The following LZIC variants were observed in gnomAD, a reference collection of about 807,000 sequenced individuals.
LZIC encodes leucine zipper and CTNNBIP1 domain containing, also known as protein LZIC.
A neutral mutation model predicts 25.4 loss-of-function variants in LZIC; 28 were observed. The ratio of observed to expected loss-of-function variants is 1.10; its 90% CI spans 0.82 to 1.51. The LOEUF is 1.51. LZIC is among the 40% of genes most tolerant of loss of function. LZIC has a pLI of 0.00. For synonymous variants in LZIC, 65 were observed against 70.7 expected (o/e 0.92, Z 0.40); for missense variants, 170 against 211.1 (o/e 0.81, Z 1.21).
At position 9,930,455 on chromosome 1, in the gene LZIC, A is replaced by G; in HGVS notation, c.517T>C (p.Ser173Pro). The G allele has an allele frequency of 6.2e-7, 1 of 1,613,224 alleles. No homozygotes were observed. Among genetic ancestry groups the G allele is most frequent in the Non-Finnish European group, 8.5e-7 (1 of 1,179,750 alleles). Residue 173 changes from serine to proline, a missense_variant and splice_region_variant, in exon 8 of 8, where the codon TCT becomes CCT. Coordinates refer to ENST00000377223, the MANE Select transcript of LZIC (RefSeq NM_032368.5). ...QFEKVSTDLG[S>P]GDKILALASF... is the part of the protein sequence containing the mutation. ...GCCAGAGCAAGAATTTTGTCTCCAG[A>G]GCCTAAGAAAAAAGACACATAATAA...
At position 9,929,179 on chromosome 1, in the gene LZIC, T is replaced by C. The variant is rs771426488; in HGVS notation, c.*1220A>G. On this transcript the variant is annotated 3_prime_UTR_variant, in exon 8 of 8. Coordinates refer to ENST00000377223, the MANE Select transcript of LZIC (RefSeq NM_032368.5). ...CTTTAAAATGGTGAATTTTATGATA[T>C]ATGAATTTCACCTCTTTTAAGTTCC... 8.2e-5 allele frequency: 31 copies of C among 380,062 alleles called. No homozygotes were observed. The highest frequency in any genetic ancestry group is 1.0e-4 in the Non-Finnish European group (29 of 276,862). The allele number at this position is 380,062 out of a possible 1,614,324, so 23.5% of individuals were successfully genotyped here. A position where few individuals can be genotyped will look rare whatever the true frequency, so the allele number is the denominator to read the frequency against.
intron 7 of LZIC, 41 bp downstream of exon 7, chr1:9,931,850 A>G (rs1226038743): frequency 7.7e-7 from 1 of 1,304,472 alleles, no homozygotes; most frequent in Non-Finnish European, 1.1e-6. Flanking sequence ...AATATATGAC[A>G]GTAGTATACG....
Position 9,926,617 on chromosome 1 carries a change from A to C in LZIC, c.*3782T>G, listed in dbSNP as rs1481825766. ...ACAGAACAAAACATTGAAACATCAG[A>C]ATTGTTTAAAACACTAGATTTCATT... is the stretch of plus-strand genomic sequence containing the variant. On this transcript the variant is annotated 3_prime_UTR_variant, in exon 8 of 8. Transcript: ENST00000377223. 6.6e-6 allele frequency among the ~76,000 whole-genome samples: 1 copy of C among 152,230 alleles called. No individual in the cohort carries two copies. The highest frequency in any genetic ancestry group is 1.5e-5 in the Non-Finnish European group (1 of 68,050).
At chr1:9,939,542 CTTTT>C (rs34837155) in intron 2 of LZIC, among the ~76,000 whole-genome samples, 52 of 81,986 alleles carry the variant, frequency 6.3e-4, no homozygotes, top group Admixed American at 2.6e-3. Context: ...CCACATCTGC[CTTTT>C]TTTTTTTTTT....
chr1:9,932,791 A>T lies in LZIC; in HGVS notation c.432+12T>A. On this transcript the variant is annotated intron_variant, in intron 6 of 7. Coordinates refer to ENST00000377223, the MANE Select transcript of LZIC (RefSeq NM_032368.5). ...ACTTTTTCTTTGTAACTAATATATT[A>T]AATACTGGTACCTTCTCTCCAAGTT... is the stretch of plus-strand genomic sequence containing the variant. 1 of 1,480,874 alleles carries T rather than the reference A, an allele frequency of 6.8e-7. No individual in the cohort carries two copies. The highest frequency in any genetic ancestry group is 9.4e-7 in the Non-Finnish European group (1 of 1,060,528). The allele number at this position is 1,480,874 out of a possible 1,614,324, so 91.7% of individuals were successfully genotyped here.
In LZIC at chr1:9,939,868, C is replaced by T. The variant is rs1257574973; in HGVS notation, c.-9+2756G>A. On this transcript the variant is annotated intron_variant, in intron 2 of 7. Transcript: ENST00000377223. The stretch of plus-strand genomic sequence containing the variant: ...GCATGGTGTCTCACACCTGTAATCC[C>T]AGCACTTTAGGAGGCTAAGGCAGGC... Among the ~76,000 whole-genome samples, 6 of 152,072 alleles carry T rather than the reference C, an allele frequency of 3.9e-5. No homozygotes were observed. The East Asian group carries it at 1.2e-3, about 29-fold the overall frequency.
rs368061687 is a variant in LZIC at position 9,931,907 on chromosome 1, T to C, written c.498A>G (p.Lys166=). 6.2e-6 allele frequency: 10 copies of C among 1,613,426 alleles called. No individual in the cohort carries two copies. Among genetic ancestry groups the C allele is most frequent in the African/African-American group, 1.3e-5 (1 of 74,900 alleles). Reference sequence around the variant, plus strand: ...GGCACTCACCAAGGTCTGTAGAGACTTTCTCAAACTGGCTGAGTATAGCAC... The same window carrying C: ...GGCACTCACCAAGGTCTGTAGAGACCTTCTCAAACTGGCTGAGTATAGCAC... The part of the protein sequence containing the change: ...NAGAILSQFE[K]VSTDLGSGDK... The change falls in exon 7 of 8, where the codon AAA becomes AAG. Residue 166 remains lysine, a synonymous_variant. Transcript: ENST00000377223.
At position 9,926,960 on chromosome 1, in the gene LZIC, T is replaced by G. The variant is rs569499244; in HGVS notation, c.*3439A>C. On this transcript the variant is annotated 3_prime_UTR_variant, in exon 8 of 8. Coordinates refer to ENST00000377223, the MANE Select transcript of LZIC (RefSeq NM_032368.5). Reference sequence around the variant, plus strand: ...GAAACAAAATATATCCTATGGTGCTTAGAATGGTTGTTAAATGGTGAGTTA... The same window carrying G: ...GAAACAAAATATATCCTATGGTGCTGAGAATGGTTGTTAAATGGTGAGTTA... Among the ~76,000 whole-genome samples, 6 of 152,318 alleles carry G rather than the reference T, an allele frequency of 3.9e-5. No individual in the cohort carries two copies. The South Asian group carries it at 1.2e-3, about 32-fold the overall frequency.
downstream of LZIC, among the ~76,000 whole-genome samples, chr1:9,925,077 C>A (rs1189378360): frequency 7.9e-5 from 12 of 151,216 alleles, no homozygotes; most frequent in East Asian, 2.1e-3. Context: ...TTTGGGAGGC[C>A]GAGGTGGGCA....
In LZIC at chr1:9,930,035, T is replaced by C; in HGVS notation, c.*364A>G. The C allele has an allele frequency of 9.8e-7, 1 of 1,021,188 alleles. No homozygotes were observed. The highest frequency in any genetic ancestry group is 1.2e-6 in the Non-Finnish European group (1 of 850,664). The allele number at this position is 1,021,188 out of a possible 1,614,324, so 63.3% of individuals were successfully genotyped here. ...GTTCACTCCAATGAGTGGGGATAAG[T>C]TGTAAGCAGAAAAATATCATTACTT... On this transcript the variant is annotated 3_prime_UTR_variant, in exon 8 of 8. Coordinates refer to ENST00000377223, the MANE Select transcript of LZIC (RefSeq NM_032368.5).
chr1:9,932,997 A>G, intron 5 of LZIC, 99 bp from the exon 6 acceptor site: 1 of 772,628 alleles, frequency 1.3e-6, no homozygotes, highest in Non-Finnish European at 2.2e-6. Context: ...CACGCCTATA[A>G]TCTCAACACT....
At chr1:9,936,814 C>T (rs1385855401) in intron 2 of LZIC, among the ~76,000 whole-genome samples, 187 bp from the exon 3 acceptor site, 2 of 152,244 alleles carry the variant, frequency 1.3e-5, no homozygotes, top group African/African-American at 2.4e-5. Context: ...AGCCACCACA[C>T]CCAGTCCCTA....
intron 4 of LZIC, among the ~76,000 whole-genome samples, chr1:9,935,123 C>T (rs984568237): frequency 7.9e-5 from 12 of 151,682 alleles, no homozygotes; most frequent in Non-Finnish European, 1.5e-4. Context: ...TAGCAAGACC[C>T]CATCTCTAAA....
intron 2 of LZIC, among the ~76,000 whole-genome samples, chr1:9,939,158 A>T (rs908789938): frequency 6.6e-6 from 1 of 151,856 alleles, no homozygotes; most frequent in Non-Finnish European, 1.5e-5. Context: ...GCTCACTGCA[A>T]CCTCCACCTC....
rs1055408362 is a variant in LZIC, at chr1:9,932,116, G to A, written c.433-144C>T. On this transcript the variant is annotated intron_variant, in intron 6 of 7. Transcript: ENST00000377223. ...TTGGGAGGCGTGGGGGGGGGGGGGG[G>A]GTGGATCACATGAGGTCAGCAGTTT... 2.8e-5 allele frequency: 10 copies of A among 354,176 alleles called. 1 individual carries two copies. Among genetic ancestry groups the A allele is most frequent in the African/African-American group, 1.2e-4 (3 of 24,652 alleles). 21.9% of individuals were successfully genotyped at this position (354,176 alleles called of 1,614,324 possible).
In LZIC at chr1:9,931,920, C is replaced by A. The variant is rs745401642; in HGVS notation, c.485G>T (p.Ser162Ile). 1.2e-6 allele frequency: 2 copies of A among 1,613,566 alleles called. No homozygotes were observed. The highest frequency in any genetic ancestry group is 4.5e-5 in the East Asian group (2 of 44,878). Residue 162 changes from serine to isoleucine, a missense_variant, in exon 7 of 8, where the codon AGC (serine) becomes ATC (isoleucine). Physicochemically the swap from Ser to Ile is moderately radical, Grantham distance 142. Transcript: ENST00000377223. The stretch of plus-strand genomic sequence containing the variant: ...GTCTGTAGAGACTTTCTCAAACTGG[C>A]TGAGTATAGCACCTGCATTTGCTGA... ...FLSANAGAILSQFEKVSTDLG... is the reference protein window; with the variant it reads ...FLSANAGAILIQFEKVSTDLG...
intron 6 of LZIC, chr1:9,932,212 G>C (rs1199287174): frequency 2.7e-6 from 1 of 370,060 alleles, no homozygotes; most frequent in Non-Finnish European, 5.0e-6. Context: ...GGGCGTGGTG[G>C]TGCACGCCTG....
chr1:9,935,584 T>C lies in LZIC; in HGVS notation c.145A>G (p.Thr49Ala). The change falls in exon 4 of 8, where the codon ACT becomes GCT. Residue 49 changes from threonine (T) to alanine (A), a missense_variant. Thr to Ala is a moderately conservative substitution (Grantham distance 58, BLOSUM62 0). Coordinates refer to ENST00000377223, the MANE Select transcript of LZIC (RefSeq NM_032368.5). Reference sequence around the variant, plus strand: ...TTAAATTCACTTAGTTGCTCCAGAGTTTCCTTTTTGGTTTCTTCATATTCA... The same window carrying C: ...TTAAATTCACTTAGTTGCTCCAGAGCTTCCTTTTTGGTTTCTTCATATTCA... ...TDEYEETKKE[T>A]LEQLSEFNDS... 1 of 1,611,560 alleles carries C rather than the reference T, an allele frequency of 6.2e-7. No individual in the cohort carries two copies. Among genetic ancestry groups the C allele is most frequent in the Non-Finnish European group, 8.5e-7 (1 of 1,179,306 alleles).
chr1:9,922,666 T>G (rs1639891692), downstream of LZIC, among the ~76,000 whole-genome samples: 1 of 152,210 alleles, frequency 6.6e-6, no homozygotes, highest in South Asian at 2.1e-4. Flanking sequence ...GGCACTTATT[T>G]CACTAATATG....
Sources: allele counts gnomAD v4.1 joint callset (sites outside exome capture counted in the v4.1 genomes callset), GRCh38; gene constraint gnomAD v4.1.1; transcripts MANE v1.5; gene names NCBI Gene and HGNC (gene_info 2026-07-23, HGNC 2026-07-21).